OPCML: variants seen among roughly 807,000 people sequenced by gnomAD.
OPCML encodes the protein opioid-binding protein/cell adhesion molecule.
Under a neutral mutation model 37.8 loss-of-function variants are expected in OPCML, and 13 were observed. The ratio of observed to expected loss-of-function variants is 0.34; its 90% CI spans 0.22 to 0.55. The LOEUF is 0.55. Among genes scored for constraint, OPCML ranks in the 20% least tolerant of loss-of-function variants. OPCML has a pLI of 0.91. For missense variants in OPCML, 341 were observed against 435.6 expected (o/e 0.78, Z 1.93); for synonymous variants, 176 against 168.8 (o/e 1.04, Z -0.33).
intron 2 of OPCML, among the ~76,000 whole-genome samples, chr11:132,899,592 T>A (rs765355645): frequency 6.6e-6 from 1 of 152,160 alleles, no homozygotes; most frequent in African/African-American, 2.4e-5. Flanking sequence ...AGGTGCCAAG[T>A]TGACAAAGGT....
intron 4 of OPCML, among the ~76,000 whole-genome samples, chr11:132,517,533 C>T (rs927414130): frequency 6.6e-6 from 1 of 152,116 alleles, no homozygotes; most frequent in Admixed American, 6.6e-5. Flanking sequence ...TCTATTGAAG[C>T]CCACATTTTT....
intron 7 of OPCML, among the ~76,000 whole-genome samples, chr11:132,429,709 G>T (rs1223049656): frequency 6.6e-6 from 1 of 152,164 alleles, no homozygotes; most frequent in East Asian, 1.9e-4. Context: ...AGGATTCCCT[G>T]GGAGAGCTTC....
intron 4 of OPCML, among the ~76,000 whole-genome samples, chr11:132,482,579 C>A (rs1343015039): frequency 1.3e-5 from 2 of 152,292 alleles, no homozygotes; most frequent in East Asian, 3.9e-4. Context: ...ATGAGTCCAG[C>A]ATCATTCTGA....
intron 1 of OPCML, chr11:133,439,293 T>G (rs1435368791): frequency 2.4e-5 from 3 of 125,212 alleles, no homozygotes; most frequent in Non-Finnish European, 3.3e-5. Context: ...GTAAAAGATG[T>G]TTTTTTTTTT....
intron 4 of OPCML, among the ~76,000 whole-genome samples, chr11:132,528,344 A>T (rs965458792): frequency 6.6e-6 from 1 of 152,188 alleles, no homozygotes; most frequent in Non-Finnish European, 1.5e-5. Context: ...TGTTTCTTGT[A>T]TAATTCCTAG....
intron 7 of OPCML, among the ~76,000 whole-genome samples, chr11:132,427,109 T>C (rs1565552750): frequency 6.6e-6 from 1 of 152,102 alleles, no homozygotes; most frequent in Non-Finnish European, 1.5e-5. Context: ...ATAGCTGAAA[T>C]TCTACTAAAA....
chr11:132,744,996 C>T (rs1237937083), intron 2 of OPCML, among the ~76,000 whole-genome samples: 1 of 152,208 alleles, frequency 6.6e-6, no homozygotes. Context: ...GAGCAGGCAG[C>T]TCATCCAGGA....
At chr11:132,725,258 C>T (rs922310323) in intron 2 of OPCML, among the ~76,000 whole-genome samples, 18 of 152,222 alleles carry the variant, frequency 1.2e-4, no homozygotes, top group Admixed American at 2.0e-4. Context: ...GCAGGCTCAA[C>T]ACCATGTGGA....
intron 1 of OPCML, among the ~76,000 whole-genome samples, chr11:133,166,630 G>A (rs1228086537): frequency 1.3e-5 from 2 of 152,210 alleles, no homozygotes; most frequent in Non-Finnish European, 2.9e-5. Flanking sequence ...GCATAGGTGT[G>A]CGATGCATGC....
At chr11:133,418,449 T>C (rs191142982) in intron 1 of OPCML, 1 of 985,392 alleles carries the variant, frequency 1.0e-6, no homozygotes, top group East Asian at 1.1e-4. Context: ...TTAAATGACT[T>C]TGGTGTTTCT....
At chr11:132,539,873 T>A (rs1055715918) in intron 3 of OPCML, among the ~76,000 whole-genome samples, 2 of 151,958 alleles carry the variant, frequency 1.3e-5, no homozygotes, top group African/African-American at 4.8e-5. Flanking sequence ...GTGATGGTGA[T>A]CATGGTGATG....
intron 3 of OPCML, among the ~76,000 whole-genome samples, chr11:132,531,644 A>G (rs976782130): frequency 6.6e-6 from 1 of 152,152 alleles, no homozygotes; most frequent in African/African-American, 2.4e-5. Flanking sequence ...TTATTTCTGC[A>G]TTAGGATTTG....
intron 1 of OPCML, among the ~76,000 whole-genome samples, chr11:133,476,311 G>C (rs1381373196): frequency 6.6e-6 from 1 of 152,032 alleles, no homozygotes; most frequent in African/African-American, 2.4e-5. Context: ...GGCCTGATTG[G>C]GGTGCACAGA....
intron 4 of OPCML, among the ~76,000 whole-genome samples, chr11:132,510,539 G>A (rs889301106): frequency 6.6e-6 from 1 of 151,428 alleles, no homozygotes; most frequent in South Asian, 2.1e-4. Flanking sequence ...TGAATCATGG[G>A]GCCCAGTCTT....
At chr11:132,421,604 CT>C (rs1489801690) in intron 7 of OPCML, among the ~76,000 whole-genome samples, 1 of 152,176 alleles carries the variant, frequency 6.6e-6, no homozygotes, top group African/African-American at 2.4e-5. Context: ...ACATGAATAC[CT>C]TTTCTTTCTA....
chr11:132,999,275 T>C (rs1057223058), intron 1 of OPCML, among the ~76,000 whole-genome samples: 2 of 151,538 alleles, frequency 1.3e-5, no homozygotes, highest in African/African-American at 2.4e-5. Context: ...CGAGACCCCC[T>C]CTCGCCCCAG....
At chr11:132,524,101 G>A (rs1175113705) in intron 4 of OPCML, among the ~76,000 whole-genome samples, 4 of 152,138 alleles carry the variant, frequency 2.6e-5, no homozygotes, top group Admixed American at 6.6e-5. Flanking sequence ...AAGAGGGGAC[G>A]ACTACCCTCC....
At chr11:132,589,038 T>A (rs1248668364) in intron 3 of OPCML, among the ~76,000 whole-genome samples, 3 of 152,234 alleles carry the variant, frequency 2.0e-5, no homozygotes, top group Admixed American at 1.3e-4. Flanking sequence ...ATAGCCTATC[T>A]TGGTTTGCAT....
At chr11:133,503,015 C>T (rs1718885681) in intron 1 of OPCML, among the ~76,000 whole-genome samples, 1 of 152,154 alleles carries the variant, frequency 6.6e-6, no homozygotes, top group Admixed American at 6.5e-5. Context: ...CTTCCCTTCT[C>T]CTTATTAATA....
Sources: allele counts gnomAD v4.1 joint callset (sites outside exome capture counted in the v4.1 genomes callset), GRCh38; gene constraint gnomAD v4.1.1; transcripts MANE v1.5; gene names NCBI Gene and HGNC (gene_info 2026-07-23, HGNC 2026-07-21).